Variants in RAD51B observed in about 807,000 individuals in gnomAD.
The protein encoded by RAD51B is DNA repair protein RAD51 homolog 2.
RAD51B carries 38 observed loss-of-function variants against 42.2 expected under a neutral mutation model. That is an observed-to-expected ratio of 0.90 (90% CI 0.70 to 1.18). The LOEUF (loss-of-function observed/expected upper bound fraction) is 1.18, where lower values mean the gene tolerates loss of function less well. Ranked by LOEUF, RAD51B falls within the 50% of genes most tolerant of loss-of-function variation. The probability of loss-of-function intolerance (pLI) is 0.00; values close to 1 mark genes in which losing one functional copy is unlikely to be tolerated. For missense variants in RAD51B, 373 were observed against 400.7 expected (o/e 0.93, Z 0.59); for synonymous variants, 154 against 145.2 (o/e 1.06, Z -0.43).
chr14:67,919,245 A>G (rs1161154309), intron 7 of RAD51B, among the ~76,000 whole-genome samples: 1 of 152,190 alleles, frequency 6.6e-6, no homozygotes, highest in African/African-American at 2.4e-5. Flanking sequence ...GTATTCTGTG[A>G]AGGTTCGTAA....
intron 7 of RAD51B, among the ~76,000 whole-genome samples, chr14:68,027,386 G>A (rs911088828): frequency 3.3e-5 from 5 of 151,984 alleles, no homozygotes; most frequent in African/African-American, 1.2e-4. Flanking sequence ...ACATGTCAAC[G>A]TGAGATTAGG....
Position 68,515,497 on chromosome 14 carries a change from G to A in RAD51B, c.1036+47247G>A, listed in dbSNP as rs1220528596. 2.1e-5 allele frequency among the ~76,000 whole-genome samples: 3 copies of A among 144,852 alleles called. No homozygotes were observed. In the South Asian group the frequency reaches 6.6e-4, roughly 32 times the overall value. Reference sequence around the variant, plus strand: ...AGGGTCTCCCTCTGTCATCCAGGCTGGAGTGCAGTGGTGCAATCACAATTC... The same window carrying A: ...AGGGTCTCCCTCTGTCATCCAGGCTAGAGTGCAGTGGTGCAATCACAATTC... On this transcript the variant is annotated intron_variant, in intron 10 of 10. Coordinates refer to the RAD51B transcript ENST00000487270.
chr14:68,280,066 C>T (rs1449329705), intron 7 of RAD51B, among the ~76,000 whole-genome samples: 2 of 152,182 alleles, frequency 1.3e-5, no homozygotes, highest in East Asian at 1.9e-4. Flanking sequence ...AAAATATTAG[C>T]AGAGTGGTTG....
intron 7 of RAD51B, among the ~76,000 whole-genome samples, chr14:68,143,350 T>G (rs17105058): frequency 0.021 from 3,135 of 152,316 alleles, 118 homozygotes; most frequent in African/African-American, 0.069. Flanking sequence ...AAGGAAATGA[T>G]ACATGGCAGA....
chr14:68,081,411 G>T (rs577467513), intron 7 of RAD51B, among the ~76,000 whole-genome samples: 1 of 152,192 alleles, frequency 6.6e-6, no homozygotes, highest in African/African-American at 2.4e-5. Context: ...ACATGTGTTC[G>T]GTTCACTCGA....
intron 7 of RAD51B, among the ~76,000 whole-genome samples, chr14:67,964,815 G>A (rs1253574854): frequency 2.6e-5 from 4 of 152,152 alleles, no homozygotes; most frequent in Non-Finnish European, 5.9e-5. Context: ...GTTGCTCTTA[G>A]TAATGGACCT....
In RAD51B at chr14:68,587,160, G is replaced by T. The variant is rs192132956; in HGVS notation, c.1037-7325G>T. 5.7e-3 allele frequency among the ~76,000 whole-genome samples: 870 copies of T among 152,294 alleles called. 5 individuals are homozygous for T. The highest frequency in any genetic ancestry group is 0.017 in the African/African-American group (698 of 41,548). On this transcript the variant is annotated intron_variant, in intron 10 of 10. Coordinates refer to the RAD51B transcript ENST00000487270. ...GCCCTCAGCAGTGTCTTCAAAGAAG[G>T]AACCCCTCTGTCCACACAAAAGAGG...
downstream of RAD51B, among the ~76,000 whole-genome samples, chr14:68,597,081 C>A (rs1891026249): frequency 6.6e-6 from 1 of 152,216 alleles, no homozygotes; most frequent in African/African-American, 2.4e-5. Flanking sequence ...TTTCCATTTT[C>A]TCAGAAGAAA....
intron 7 of RAD51B, among the ~76,000 whole-genome samples, chr14:68,156,496 T>TCTCTCTCTCTCTCTCTC (rs2078514069): frequency 6.8e-6 from 1 of 147,630 alleles, no homozygotes; most frequent in Non-Finnish European, 1.5e-5. Context: ...TCTCTCTCTC[T>TCTCTCTCTCTCTCTCTC]GCCTTTATGA....
chr14:68,132,171 A>T (rs1001633340), intron 7 of RAD51B, among the ~76,000 whole-genome samples: 2 of 152,172 alleles, frequency 1.3e-5, no homozygotes, highest in Non-Finnish European at 2.9e-5. Flanking sequence ...CTTGGGTCAT[A>T]TGTTCACTTT....
At chr14:68,379,937 CAT>C in intron 8 of RAD51B, among the ~76,000 whole-genome samples, 1 of 152,338 alleles carries the variant, frequency 6.6e-6, no homozygotes, top group Non-Finnish European at 1.5e-5. Context: ...TATCTATAAA[CAT>C]AGAGTGTGTA....
At position 67,982,722 on chromosome 14, in the gene RAD51B, C is replaced by T. The variant is rs952373252; in HGVS notation, c.756+95518C>T. On this transcript the variant is annotated intron_variant, in intron 7 of 10. Coordinates refer to ENST00000471583, the MANE Select transcript of RAD51B (RefSeq NM_133510.4). ...TTTCTTGATAAAGCCCCATATTTTG[C>T]TTCTGCTTCTATGTTTTTTTTTAAA... 2.7e-5 allele frequency among the ~76,000 whole-genome samples: 4 copies of T among 146,182 alleles called. No homozygotes were observed. In the South Asian group the frequency reaches 8.3e-4, roughly 30 times the overall value.
chr14:68,250,903 C>T (rs2080614849), intron 7 of RAD51B, among the ~76,000 whole-genome samples: 1 of 152,202 alleles, frequency 6.6e-6, no homozygotes. Context: ...GGCACCTCCA[C>T]CTTCATGGAC....
intron 8 of RAD51B, among the ~76,000 whole-genome samples, chr14:68,408,482 G>A (rs1393609547): frequency 1.3e-5 from 2 of 152,200 alleles, no homozygotes; most frequent in East Asian, 3.8e-4. Context: ...CAAAGGCGTA[G>A]AAACCATCCA....
chr14:68,360,113 C>T (rs897054246), intron 8 of RAD51B, among the ~76,000 whole-genome samples: 1 of 152,176 alleles, frequency 6.6e-6, no homozygotes, highest in Non-Finnish European at 1.5e-5. Flanking sequence ...CTGGTAGAGG[C>T]GGGGAGACCA....
intron 8 of RAD51B, among the ~76,000 whole-genome samples, chr14:68,401,009 GATTGCTTCTTTT>G (rs1237354323): frequency 6.6e-6 from 1 of 152,140 alleles, no homozygotes; most frequent in Non-Finnish European, 1.5e-5. Context: ...GATGGGAGGA[GATTGCTTCTTTT>G]TATTCAGACA....
At chr14:68,405,891 G>A (rs1452497717) in intron 8 of RAD51B, among the ~76,000 whole-genome samples, 2 of 147,162 alleles carry the variant, frequency 1.4e-5, no homozygotes, top group Admixed American at 6.8e-5. Flanking sequence ...TTATTCACAT[G>A]TAGCTTTTTC....
At chr14:68,317,040 A>G (rs938861195) in intron 8 of RAD51B, among the ~76,000 whole-genome samples, 1 of 152,220 alleles carries the variant, frequency 6.6e-6, no homozygotes, top group African/African-American at 2.4e-5. Context: ...TCTTGGGTTA[A>G]GGAAGAGGGC....
At chr14:68,479,489 G>A (rs1882991094), downstream of RAD51B, among the ~76,000 whole-genome samples, 1 of 152,078 alleles carries the variant, frequency 6.6e-6, no homozygotes, top group Non-Finnish European at 1.5e-5. Context: ...TGAAGACACA[G>A]GGACAGAGAA....
Sources: gnomAD v4.1 joint callset for allele counts (sites outside exome capture counted in the v4.1 genomes callset) on GRCh38, gnomAD v4.1.1 for gene constraint, MANE v1.5 for transcripts, NCBI Gene and HGNC (gene_info 2026-07-23, HGNC 2026-07-21) for gene names.